MTCL1: variants seen among roughly 807,000 people sequenced by gnomAD.
MTCL1 encodes microtubule crosslinking factor 1.
A neutral mutation model predicts 141.4 loss-of-function variants in MTCL1; 79 were observed. That is an observed-to-expected ratio of 0.56 (90% CI 0.47 to 0.67). The LOEUF is 0.67. MTCL1 is among the 30% of genes least tolerant of loss of function. The probability of loss-of-function intolerance (pLI) is 0.00; values close to 1 mark genes in which losing one functional copy is unlikely to be tolerated. For synonymous variants in MTCL1, 914 were observed against 875.8 expected (o/e 1.04, Z -0.77); for missense variants, 2,177 against 2,113.9 (o/e 1.03, Z -0.59).
At chr18:8,717,736 A>T (rs572276676) in intron 1 of MTCL1, 1 of 224,722 alleles carries the variant, frequency 4.4e-6, no homozygotes, top group African/African-American at 2.3e-5. Context: ...GTAGAATGGG[A>T]GGGGAGGGGG....
At chr18:8,789,465 T>G (rs2075642532) in intron 7 of MTCL1, 1 of 985,350 alleles carries the variant, frequency 1.0e-6, no homozygotes, top group African/African-American at 1.7e-5. Context: ...TGTGAAGTTA[T>G]CTTCTTAAGT....
intron 4 of MTCL1, among the ~76,000 whole-genome samples, chr18:8,771,911 C>T (rs2096486569): frequency 6.6e-6 from 1 of 152,198 alleles, no homozygotes; most frequent in Non-Finnish European, 1.5e-5. Context: ...TTTACCTGTT[C>T]CCTTCATTGT....
chr18:8,725,798 T>TC (rs1417092761), intron 4 of MTCL1, among the ~76,000 whole-genome samples: 20 of 110,832 alleles, frequency 1.8e-4, no homozygotes, highest in Admixed American at 1.3e-3. Context: ...TTCTTTTTTT[T>TC]TTTTTTTTTG....
At chr18:8,739,375 T>C (rs1281205702) in intron 4 of MTCL1, among the ~76,000 whole-genome samples, 2 of 152,202 alleles carry the variant, frequency 1.3e-5, no homozygotes, top group African/African-American at 2.4e-5. Flanking sequence ...TGGGCGTGCA[T>C]GCGCGGTGGA....
chr18:8,744,186 C>T (rs562948027), intron 4 of MTCL1, among the ~76,000 whole-genome samples: 7 of 152,354 alleles, frequency 4.6e-5, no homozygotes, highest in Non-Finnish European at 7.3e-5. Flanking sequence ...GGCAGCTGCC[C>T]GGGCCCACTG....
At chr18:8,722,695 G>C (rs1361614440) in intron 4 of MTCL1, among the ~76,000 whole-genome samples, 4 of 152,144 alleles carry the variant, frequency 2.6e-5, no homozygotes, top group Non-Finnish European at 4.4e-5. Flanking sequence ...AGGAGGGTTT[G>C]GTCTTGCTGT....
intron 4 of MTCL1, among the ~76,000 whole-genome samples, chr18:8,762,843 G>A (rs562811789): frequency 1.3e-4 from 20 of 152,202 alleles, no homozygotes; most frequent in Admixed American, 2.0e-4. Flanking sequence ...GGAGATGAGC[G>A]TGAGAGCACG....
chr18:8,713,018 G>T (rs1363254591), upstream of MTCL1, among the ~76,000 whole-genome samples: 1 of 152,158 alleles, frequency 6.6e-6, no homozygotes. Context: ...CCATGGATTT[G>T]ACTTTTATTA....
At chr18:8,832,596 C>G (rs149013526) in exon 17 of MTCL1, 1 of 152,344 alleles carries the variant, frequency 6.6e-6, no homozygotes, top group African/African-American at 2.4e-5. Flanking sequence ...GATGATCCAA[C>G]AGCAACACCA....
Position 8,784,569 on chromosome 18 carries a change from G to C in MTCL1, c.1457G>C (p.Gly486Ala), listed in dbSNP as rs150698375. Residue 486 changes from glycine (G) to alanine (A), a missense_variant, in exon 6 of 17, where the codon GGT (glycine) becomes GCT (alanine). Physicochemically the swap from Gly to Ala is moderately conservative, Grantham distance 60. Transcript: ENST00000359865. Reference sequence around the variant, plus strand: ...TTCCTCCATGATGCGGGGCTGCGGGGTGGTGCGCCCTTACCGGGGCCTGGC... The same window carrying C: ...TTCCTCCATGATGCGGGGCTGCGGGCTGGTGCGCCCTTACCGGGGCCTGGC... 5.0e-4 allele frequency: 806 copies of C among 1,609,722 alleles called. 4 individuals carry two copies. In the African/African-American group the frequency reaches 9.3e-3, roughly 19 times the overall value.
exon 3 of MTCL1, chr18:8,718,490 T>C (rs1268391687): frequency 4.3e-6 from 7 of 1,614,072 alleles, no homozygotes; most frequent in African/African-American, 1.3e-5. Context: ...GGAAGATGTT[T>C]ACCAGCTGCA....
intron 1 of MTCL1, among the ~76,000 whole-genome samples, chr18:8,710,978 T>C (rs1459403929): frequency 1.3e-5 from 2 of 151,274 alleles, no homozygotes; most frequent in Non-Finnish European, 2.9e-5. Flanking sequence ...CATGCTGGTG[T>C]GCTGCACCCA....
At chr18:8,813,107 G>A in exon 12 of MTCL1, 1 of 1,614,218 alleles carries the variant, frequency 6.2e-7, no homozygotes, top group Non-Finnish European at 8.5e-7. Context: ...TCATGGACCT[G>A]CGCTGGCAGA....
chr18:8,722,369 G>A (rs541120), intron 4 of MTCL1, among the ~76,000 whole-genome samples: 50,341 of 151,768 alleles, frequency 0.33, 8,715 homozygotes, highest in Admixed American at 0.47. Flanking sequence ...GGCCAGCTTG[G>A]GCAACACAGC....
At chr18:8,750,293 G>A (rs534080179) in intron 4 of MTCL1, among the ~76,000 whole-genome samples, 70 of 152,268 alleles carry the variant, frequency 4.6e-4, no homozygotes, top group African/African-American at 1.6e-3. Context: ...TGATCTGCCC[G>A]CCTCAGCCTC....
intron 1 of MTCL1, among the ~76,000 whole-genome samples, chr18:8,708,083 A>G (rs576245698): frequency 5.3e-5 from 8 of 152,350 alleles, no homozygotes; most frequent in African/African-American, 1.9e-4. Context: ...AAAGGCAACT[A>G]TGTTGTGGGT....
intron 11 of MTCL1, 174 bp from the exon 11 acceptor site, chr18:8,812,805 C>A: frequency 1.3e-6 from 1 of 741,630 alleles, no homozygotes; most frequent in Non-Finnish European, 2.1e-6. Context: ...TTCTTTGTGA[C>A]TGTGTCAAAC....
intron 4 of MTCL1, among the ~76,000 whole-genome samples, chr18:8,765,590 C>T (rs893739580): frequency 1.3e-5 from 2 of 152,216 alleles, no homozygotes; most frequent in African/African-American, 4.8e-5. Flanking sequence ...GTGGACCCAA[C>T]CACACGAGGG....
intron 7 of MTCL1, among the ~76,000 whole-genome samples, chr18:8,788,629 G>A (rs2075607401): frequency 6.6e-6 from 1 of 152,164 alleles, no homozygotes; most frequent in East Asian, 1.9e-4. Context: ...AAAAAGAAGT[G>A]CATTCTTACA....
Sources: gnomAD v4.1 joint callset for allele counts (sites outside exome capture counted in the v4.1 genomes callset) on GRCh38, gnomAD v4.1.1 for gene constraint, MANE v1.5 for transcripts, NCBI Gene and HGNC (gene_info 2026-07-23, HGNC 2026-07-21) for gene names.